Variants in SLC38A6 observed in about 807,000 individuals in gnomAD.
SLC38A6 encodes solute carrier family 38 member 6.
In SLC38A6, 73 loss-of-function variants were observed where a neutral mutation model predicts 65.0. The ratio of observed to expected loss-of-function variants is 1.12; its 90% confidence interval spans 0.93 to 1.37. The LOEUF (loss-of-function observed/expected upper bound fraction) is 1.37. Among genes scored for constraint, SLC38A6 ranks in the 40% most tolerant of loss-of-function variants. The pLI is 0.00. For synonymous variants in SLC38A6, 183 were observed against 178.8 expected (o/e 1.02, Z -0.19); for missense variants, 561 against 531.1 (o/e 1.06, Z -0.55).
intron 2 of SLC38A6, among the ~76,000 whole-genome samples, chr14:60,983,444 C>T (rs1245546322): frequency 1.3e-5 from 2 of 152,126 alleles, no homozygotes; most frequent in Non-Finnish European, 2.9e-5. Context: ...GGCTACTGCA[C>T]TCTAGCCTGG....
chr14:60,998,330 A>G lies in SLC38A6; in HGVS notation c.310+13527A>G, dbSNP rs149420874. ...AACCCCAAATTCCAGGTCCACAGGCAGGAGAGCAGACAAACAGAGGAGCAG... is the reference window on the plus strand; with the variant it reads ...AACCCCAAATTCCAGGTCCACAGGCGGGAGAGCAGACAAACAGAGGAGCAG... On this transcript the variant is annotated intron_variant, in intron 3 of 15. Coordinates refer to ENST00000267488, the MANE Select transcript of SLC38A6 (RefSeq NM_153811.3). Among the ~76,000 whole-genome samples, 3 of 152,176 alleles carry G rather than the reference A, an allele frequency of 2.0e-5. No individual in the cohort carries two copies. In the East Asian group the frequency reaches 5.8e-4, roughly 29 times the overall value.
chr14:60,995,985 T>C (rs1207758782), intron 3 of SLC38A6, among the ~76,000 whole-genome samples: 1 of 152,204 alleles, frequency 6.6e-6, no homozygotes, highest in African/African-American at 2.4e-5. Context: ...ACCCATAGAA[T>C]GTACAGCACT....
chr14:60,999,141 A>G (rs1396248361), intron 3 of SLC38A6, among the ~76,000 whole-genome samples: 3 of 152,184 alleles, frequency 2.0e-5, no homozygotes, highest in Non-Finnish European at 4.4e-5. Context: ...AGGAATTTGT[A>G]GTTTTTGCTG....
At chr14:60,994,405 C>CGTG (rs2038122920) in intron 3 of SLC38A6, among the ~76,000 whole-genome samples, 1 of 151,714 alleles carries the variant, frequency 6.6e-6, no homozygotes, top group Non-Finnish European at 1.5e-5. Flanking sequence ...ATTACCTGGG[C>CGTG]GTGGTGCTGC....
rs546198455 is a variant in SLC38A6, at chr14:61,061,111, C to T, written c.1290+8976C>T. On this transcript the variant is annotated intron_variant, in intron 15 of 16. Transcript: ENST00000354886. ...GTCGCTCACGCTGGGAGCTGTAGAC[C>T]GGAGCTGTTCCTATTCGGCCATCTT... Among the ~76,000 whole-genome samples the T allele has an allele frequency of 1.8e-4, 27 of 152,198 alleles. No homozygotes were observed. In the Middle Eastern group the frequency reaches 0.01, roughly 58 times the overall value.
chr14:61,010,419 T>C (rs964280366), intron 3 of SLC38A6, among the ~76,000 whole-genome samples: 1 of 152,250 alleles, frequency 6.6e-6, no homozygotes. Flanking sequence ...TTTGCTGCCA[T>C]TGCTTTTGGT....
At chr14:61,036,960 CTGTGTGTGTGTGTG>C (rs34977105) in intron 6 of SLC38A6, 85 bp from the exon 7 acceptor site, 152 of 438,356 alleles carry the variant, frequency 3.5e-4, no homozygotes, top group East Asian at 2.7e-3. Flanking sequence ...GGTTATAACT[CTGTGTGTGTGTGTG>C]TGTGTGTGTG....
intron 6 of SLC38A6, among the ~76,000 whole-genome samples, chr14:61,032,267 A>G (rs567044631): frequency 3.3e-5 from 5 of 151,388 alleles, no homozygotes; most frequent in Non-Finnish European, 5.9e-5. Flanking sequence ...ATATTCTTTT[A>G]TTGTCATATG....
intron 6 of SLC38A6, chr14:61,031,176 G>A (rs912351178): frequency 6.6e-6 from 1 of 151,884 alleles, no homozygotes; most frequent in Non-Finnish European, 1.5e-5. Flanking sequence ...AAAATTAATT[G>A]TACTTTTCAC....
intron 12 of SLC38A6, 80 bp from the exon 13 acceptor site, chr14:61,050,432 C>T: frequency 1.1e-6 from 1 of 926,226 alleles, no homozygotes. Context: ...TGTTATCATC[C>T]ATTAGTGCAA....
chr14:61,059,462 TG>T (rs2042784138), intron 15 of SLC38A6, among the ~76,000 whole-genome samples: 1 of 4,548 alleles, frequency 2.2e-4, no homozygotes, highest in Non-Finnish European at 4.4e-4. Flanking sequence ...CACTCTCTTC[TG>T]GCTTGTTGGG....
chr14:61,075,410 A>G (rs983748165), intron 15 of SLC38A6, among the ~76,000 whole-genome samples: 1 of 152,184 alleles, frequency 6.6e-6, no homozygotes, highest in Non-Finnish European at 1.5e-5. Flanking sequence ...AATGTAAGCC[A>G]CTTGCTTCCT....
chr14:61,068,014 T>C (rs2043089094), intron 15 of SLC38A6, among the ~76,000 whole-genome samples: 1 of 152,206 alleles, frequency 6.6e-6, no homozygotes, highest in South Asian at 2.1e-4. Context: ...ATCTATACTT[T>C]GGATGAAGTT....
chr14:61,011,508 G>A (rs1159150184), intron 3 of SLC38A6, among the ~76,000 whole-genome samples: 7 of 152,170 alleles, frequency 4.6e-5, no homozygotes, highest in Middle Eastern at 3.4e-3. Flanking sequence ...TATGATATTG[G>A]CTGTGGGTTT....
intron 5 of SLC38A6, among the ~76,000 whole-genome samples, chr14:61,022,221 A>G (rs2040377724): frequency 6.6e-6 from 1 of 152,174 alleles, no homozygotes; most frequent in African/African-American, 2.4e-5. Flanking sequence ...TCTTTAACAA[A>G]TCAATAACTA....
chr14:60,994,338 G>A (rs1403234189), intron 3 of SLC38A6, among the ~76,000 whole-genome samples: 2 of 152,174 alleles, frequency 1.3e-5, no homozygotes, highest in Non-Finnish European at 2.9e-5. Context: ...CTGAGGTTGG[G>A]AGATCGAGAC....
At chr14:61,000,726 A>G (rs999122449) in intron 3 of SLC38A6, among the ~76,000 whole-genome samples, 2 of 152,218 alleles carry the variant, frequency 1.3e-5, no homozygotes, top group African/African-American at 4.8e-5. Context: ...ATTTCTCAAT[A>G]AAGAGCTGAC....
intron 3 of SLC38A6, among the ~76,000 whole-genome samples, chr14:61,014,456 T>C (rs573740521): frequency 6.6e-6 from 1 of 152,286 alleles, no homozygotes; most frequent in Admixed American, 6.5e-5. Context: ...GGAACAGAGG[T>C]GCTCTGATTT....
rs561821611 is a variant in SLC38A6 at position 61,016,695 on chromosome 14, A to C, written c.363+739A>C. On this transcript the variant is annotated intron_variant, in intron 4 of 15. Transcript: ENST00000267488. ...ATTTTTTAATTTCTGAAGAACTACTATACTTCTAAAATTCATATTCATTTT... is the reference window on the plus strand; with the variant it reads ...ATTTTTTAATTTCTGAAGAACTACTCTACTTCTAAAATTCATATTCATTTT... Among the ~76,000 whole-genome samples, 3 of 152,302 alleles carry C rather than the reference A, an allele frequency of 2.0e-5. No homozygotes were observed. The South Asian group carries it at 6.2e-4, about 32-fold the overall frequency.
Sources: gnomAD v4.1 joint callset for allele counts (sites outside exome capture counted in the v4.1 genomes callset) on GRCh38, gnomAD v4.1.1 for gene constraint, MANE v1.5 for transcripts, NCBI Gene and HGNC (gene_info 2026-07-23, HGNC 2026-07-21) for gene names.